The following PCDHA2 variants were observed in gnomAD, a reference collection of about 807,000 sequenced individuals.
PCDHA2 encodes the protein protocadherin alpha 2, also known as protocadherin alpha-2.
A neutral mutation model predicts 66.0 loss-of-function variants in PCDHA2; 58 were observed. The observed-to-expected ratio is 0.88, with a 90% CI of 0.71 to 1.09. The LOEUF (loss-of-function observed/expected upper bound fraction) is 1.09. Among genes scored for constraint, PCDHA2 ranks in the 50% least tolerant of loss-of-function variants. PCDHA2 has a pLI of 0.00. For missense variants in PCDHA2, 1,267 were observed against 1,242.3 expected (o/e 1.02, Z -0.30); for synonymous variants, 634 against 554.0 (o/e 1.14, Z -2.03).
chr5:140,890,990 A>T (rs782516672), intron 1 of PCDHA2, among the ~76,000 whole-genome samples: 1 of 152,142 alleles, frequency 6.6e-6, no homozygotes, highest in African/African-American at 2.4e-5. Flanking sequence ...TCTTTATTTC[A>T]TCATAATTAT....
At chr5:140,869,729 A>G (rs1554163384) in intron 1 of PCDHA2, 3 of 1,613,398 alleles carry the variant, frequency 1.9e-6, no homozygotes, top group Admixed American at 3.3e-5. Flanking sequence ...CCGGAACTTA[A>G]TTTGCTGCTA....
intron 1 of PCDHA2, chr5:140,801,419 T>C: frequency 6.2e-7 from 1 of 1,613,802 alleles, no homozygotes. Context: ...ACGGGGACCT[T>C]CTGGAGGTAA....
At chr5:140,886,664 A>G (rs1404216677) in intron 1 of PCDHA2, among the ~76,000 whole-genome samples, 1 of 151,922 alleles carries the variant, frequency 6.6e-6, no homozygotes, top group East Asian at 1.9e-4. Flanking sequence ...TGTCTCTACT[A>G]AAAATACAAA....
At chr5:140,876,449 G>T (rs1396307044) in intron 1 of PCDHA2, 1 of 1,613,880 alleles carries the variant, frequency 6.2e-7, no homozygotes, top group Non-Finnish European at 8.5e-7. Context: ...ATTGATAAAG[G>T]GATTCCTTCC....
At position 140,843,578 on chromosome 5, in the gene PCDHA2, C is replaced by T. The variant is rs1372766659; in HGVS notation, c.2388+46226C>T. On this transcript the variant is annotated intron_variant, in intron 1 of 3. Coordinates refer to ENST00000526136, the MANE Select transcript of PCDHA2 (RefSeq NM_018905.3). ...GGTGGGGAGCTGGTCATACTCGCAA[C>T]AACAGCCGCAGAGGGTGTGCTCTGG... 9 of 1,595,980 alleles carry T rather than the reference C, an allele frequency of 5.6e-6. 1 individual carries two copies. The highest frequency in any genetic ancestry group is 7.7e-6 in the Non-Finnish European group (9 of 1,165,492).
At chr5:140,998,769 G>A (rs1210690974) in intron 3 of PCDHA2, among the ~76,000 whole-genome samples, 1 of 152,054 alleles carries the variant, frequency 6.6e-6, no homozygotes, top group Non-Finnish European at 1.5e-5. Flanking sequence ...TCACTATGTT[G>A]GTCAGGCTGG....
chr5:140,967,079 A>G (rs2096093467), intron 1 of PCDHA2: 10 of 1,613,252 alleles, frequency 6.2e-6, no homozygotes, highest in Non-Finnish European at 8.5e-6. Flanking sequence ...CAACGAGCGC[A>G]TTGATCGGGA....
chr5:140,843,123 C>T lies in PCDHA2; in HGVS notation c.2388+45771C>T, dbSNP rs2150353254. ...AAGGTGCGCGCAGTGGACGCCGACT[C>T]GGGCTACAACGCGTGGCTTTCGTAT... On this transcript the variant is annotated intron_variant, in intron 1 of 3. Transcript: ENST00000526136. 18 of 1,595,788 alleles carry T rather than the reference C, an allele frequency of 1.1e-5. No homozygotes were observed. The East Asian group carries it at 3.6e-4, about 32-fold the overall frequency.
rs189901944 is a variant in PCDHA2, at chr5:140,916,206, G to A, written c.2389-62743G>A. 4.6e-3 allele frequency among the ~76,000 whole-genome samples: 705 copies of A among 152,282 alleles called. 3 individuals carry two copies. The highest frequency in any genetic ancestry group is 0.016 in the African/African-American group (682 of 41,562). ...AGGAAGTGGGCACCCCTCTGCCCTG[G>A]GGAAGATCCAAATATGCTTTCCAGG... On this transcript the variant is annotated intron_variant, in intron 1 of 3. Transcript: ENST00000526136.
intron 1 of PCDHA2, among the ~76,000 whole-genome samples, chr5:140,909,403 G>A (rs533159317): frequency 2.0e-4 from 31 of 152,280 alleles, no homozygotes; most frequent in African/African-American, 7.2e-4. Flanking sequence ...AGCTGCAATT[G>A]CAGTTACCAT....
intron 1 of PCDHA2, among the ~76,000 whole-genome samples, chr5:140,800,128 T>A (rs1762511259): frequency 6.6e-6 from 1 of 152,152 alleles, no homozygotes; most frequent in Non-Finnish European, 1.5e-5. Context: ...TACTTTATAT[T>A]GTTAACATTT....
intron 1 of PCDHA2, chr5:140,877,239 C>T (rs2056959197): frequency 1.9e-6 from 3 of 1,613,668 alleles, no homozygotes; most frequent in Middle Eastern, 1.7e-4. Context: ...GTGCGGGCCA[C>T]GTGGTGGCGA....
chr5:140,870,734 T>A (rs782055886), intron 1 of PCDHA2: 1 of 1,613,458 alleles, frequency 6.2e-7, no homozygotes. Flanking sequence ...GTGCCGCCTC[T>A]GAGCAGCAAC....
chr5:140,977,543 A>G (rs905389015), intron 1 of PCDHA2, among the ~76,000 whole-genome samples: 3 of 152,224 alleles, frequency 2.0e-5, no homozygotes. Context: ...AGCAGCTTGC[A>G]TATGCATATC....
chr5:140,915,850 C>A (rs2077335554), intron 1 of PCDHA2, among the ~76,000 whole-genome samples: 1 of 152,140 alleles, frequency 6.6e-6, no homozygotes, highest in South Asian at 2.1e-4. Context: ...GGGGTGACAC[C>A]AGCCAAGTTT....
At chr5:140,856,660 T>A in intron 1 of PCDHA2, 1 of 1,597,974 alleles carries the variant, frequency 6.3e-7, no homozygotes, top group South Asian at 1.1e-5. Flanking sequence ...GTGAAGAAAA[T>A]CCTCAGCTAA....
chr5:140,917,327 G>C (rs1219338384), intron 1 of PCDHA2, among the ~76,000 whole-genome samples: 1 of 149,420 alleles, frequency 6.7e-6, no homozygotes, highest in African/African-American at 2.5e-5. Flanking sequence ...CATGTGGCGG[G>C]GGAGGGGGGG....
At chr5:140,871,451 A>T in intron 1 of PCDHA2, 1 of 1,608,630 alleles carries the variant, frequency 6.2e-7, no homozygotes, top group Non-Finnish European at 8.5e-7. Context: ...AATAAAGAGG[A>T]GGAAGGGGAA....
chr5:140,838,286 T>TC (rs2150151139), intron 1 of PCDHA2, among the ~76,000 whole-genome samples: 1 of 149,632 alleles, frequency 6.7e-6, no homozygotes, highest in African/African-American at 2.5e-5. Context: ...GCTAATTTTT[T>TC]TTTTTTTTTG....
Sources: gnomAD v4.1 joint callset for allele counts (sites outside exome capture counted in the v4.1 genomes callset) on GRCh38, gnomAD v4.1.1 for gene constraint, MANE v1.5 for transcripts, NCBI Gene and HGNC (gene_info 2026-07-23, HGNC 2026-07-21) for gene names.